Variants in ADAM9 observed in about 807,000 individuals in gnomAD.
The protein encoded by ADAM9 is disintegrin and metalloproteinase domain-containing protein 9.
ADAM9 carries 54 observed loss-of-function variants against 108.1 expected under a neutral mutation model. The observed-to-expected ratio is 0.50, with a 90% confidence interval of 0.40 to 0.63. The LOEUF is 0.63. Ranked by LOEUF, ADAM9 falls within the 20% of genes least tolerant of loss-of-function variation. The pLI is 0.00. For missense variants in ADAM9, 830 were observed against 997.7 expected (o/e 0.83, Z 2.26); for synonymous variants, 316 against 336.0 (o/e 0.94, Z 0.65).
intron 11 of ADAM9, among the ~76,000 whole-genome samples, 177 bp downstream of exon 11, chr8:39,026,987 AT>A (rs1836945009): frequency 6.9e-6 from 1 of 145,426 alleles, no homozygotes. Context: ...AGCCTTTTAG[AT>A]TTAGGGGGTA....
chr8:39,094,450 G>A (rs1253504637), intron 20 of ADAM9, among the ~76,000 whole-genome samples: 1 of 152,114 alleles, frequency 6.6e-6, no homozygotes, highest in African/African-American at 2.4e-5. Flanking sequence ...AATGAGTTTG[G>A]AAATATTCCT....
intron 18 of ADAM9, among the ~76,000 whole-genome samples, chr8:39,087,207 T>G (rs1588426625): frequency 6.6e-6 from 1 of 152,216 alleles, no homozygotes; most frequent in African/African-American, 2.4e-5. Flanking sequence ...TAACTTTCTT[T>G]AGGCACTAAC....
chr8:39,001,335 A>T (rs1226339436), intron 1 of ADAM9, among the ~76,000 whole-genome samples: 1 of 152,274 alleles, frequency 6.6e-6, no homozygotes, highest in African/African-American at 2.4e-5. Context: ...CAACTATCAG[A>T]ACTATGTTTG....
intron 11 of ADAM9, among the ~76,000 whole-genome samples, chr8:39,041,060 A>T (rs1373382306): frequency 6.6e-6 from 1 of 152,192 alleles, no homozygotes; most frequent in Non-Finnish European, 1.5e-5. Flanking sequence ...TTTGGATATC[A>T]CACCAAAAAC....
intron 12 of ADAM9, among the ~76,000 whole-genome samples, chr8:39,045,515 TACATATATATGTGC>T (rs1837729944): frequency 7.8e-6 from 1 of 127,674 alleles, no homozygotes; most frequent in African/African-American, 2.9e-5. Flanking sequence ...TGTGTGTACA[TACATATATATGTGC>T]ATATGTGTGT....
chr8:39,011,868 G>A (rs1011610370), intron 3 of ADAM9, 152 bp downstream of exon 3: 24 of 725,538 alleles, frequency 3.3e-5, no homozygotes, highest in Non-Finnish European at 5.6e-5. Flanking sequence ...GCAGCTGGCT[G>A]GGCAGGCAGT....
intron 1 of ADAM9, among the ~76,000 whole-genome samples, chr8:38,999,284 T>C (rs1360968997): frequency 6.6e-6 from 1 of 151,860 alleles, no homozygotes; most frequent in Non-Finnish European, 1.5e-5. Flanking sequence ...ATTGTCTCAA[T>C]GAGGAAATGC....
chr8:39,001,325 C>G (rs1265962479), intron 1 of ADAM9, among the ~76,000 whole-genome samples: 2 of 152,228 alleles, frequency 1.3e-5, no homozygotes, highest in African/African-American at 4.8e-5. Flanking sequence ...GTGATAATTA[C>G]AACTATCAGA....
At chr8:39,080,600 C>T (rs1027370416) in intron 16 of ADAM9, among the ~76,000 whole-genome samples, 3 of 152,162 alleles carry the variant, frequency 2.0e-5, no homozygotes. Context: ...CAGATAGGAT[C>T]CTGTCCCTTC....
chr8:39,036,503 A>G (rs1837280168), intron 11 of ADAM9, among the ~76,000 whole-genome samples: 1 of 152,020 alleles, frequency 6.6e-6, no homozygotes, highest in African/African-American at 2.4e-5. Context: ...CATGTAAAAC[A>G]TTTTCATTAT....
intron 6 of ADAM9, 93 bp downstream of exon 6, chr8:39,017,507 T>G: frequency 1.4e-6 from 2 of 1,396,682 alleles, no homozygotes; most frequent in Non-Finnish European, 2.0e-6. Flanking sequence ...GTAGTGTTTT[T>G]TTTTCTTTTC....
chr8:39,025,705 G>A (rs1376688061), intron 9 of ADAM9, 98 bp from the exon 10 acceptor site: 4 of 1,125,598 alleles, frequency 3.6e-6, no homozygotes, highest in Non-Finnish European at 5.3e-6. Flanking sequence ...GCCATGTTTT[G>A]TAGGTTCTCC....
rs565340932 is a variant in ADAM9, at chr8:39,079,395, C to T, written c.1881+1984C>T. Among the ~76,000 whole-genome samples, 7 of 152,260 alleles carry T rather than the reference C, an allele frequency of 4.6e-5. 1 individual carries two copies. In the South Asian group the frequency reaches 1.4e-3, roughly 32 times the overall value. On this transcript the variant is annotated intron_variant, in intron 16 of 21. Transcript: ENST00000487273. ...GTGCTGGGATTACAGGTGTGAGCCA[C>T]TGCACCTAGCTGGGCATCTTTCCAT...
At chr8:39,038,172 T>C (rs946550621) in intron 11 of ADAM9, among the ~76,000 whole-genome samples, 4 of 152,350 alleles carry the variant, frequency 2.6e-5, no homozygotes, top group African/African-American at 9.6e-5. Context: ...AGAACAAGTA[T>C]GGTGATCCTA....
intron 14 of ADAM9, 115 bp downstream of exon 14, chr8:39,055,887 C>T (rs948394114): frequency 7.3e-6 from 8 of 1,093,120 alleles, no homozygotes; most frequent in African/African-American, 1.6e-5. Context: ...TGTTTCTCAT[C>T]GTATTTCCTT....
intron 1 of ADAM9, among the ~76,000 whole-genome samples, chr8:39,002,843 T>TC (rs1836046279): frequency 6.6e-6 from 1 of 152,198 alleles, no homozygotes; most frequent in South Asian, 2.1e-4. Context: ...TTTCTCTTTT[T>TC]CTTTTTTTTT....
intron 9 of ADAM9, among the ~76,000 whole-genome samples, chr8:39,024,603 ATCT>A (rs1173790644): frequency 1.3e-5 from 2 of 152,184 alleles, no homozygotes; most frequent in Admixed American, 1.3e-4. Flanking sequence ...ACCTCTGGTC[ATCT>A]TCTCCTGGCT....
chr8:39,041,383 G>C (rs1461960387), intron 11 of ADAM9, among the ~76,000 whole-genome samples: 4 of 152,214 alleles, frequency 2.6e-5, no homozygotes, highest in Non-Finnish European at 5.9e-5. Context: ...TAAAGCTCAA[G>C]TTGAAAACTT....
chr8:39,006,874 A>G (rs150513050), intron 1 of ADAM9, among the ~76,000 whole-genome samples: 83 of 152,296 alleles, frequency 5.4e-4, no homozygotes, highest in African/African-American at 2.0e-3. Flanking sequence ...TGATGGATTA[A>G]TGGCTATAAT....
Sources: allele counts gnomAD v4.1 joint callset (sites outside exome capture counted in the v4.1 genomes callset), GRCh38; gene constraint gnomAD v4.1.1; transcripts MANE v1.5; gene names NCBI Gene and HGNC (gene_info 2026-07-23, HGNC 2026-07-21).